Variants in SLC39A9 observed in about 807,000 individuals in gnomAD.
SLC39A9 encodes the protein solute carrier family 39 member 9, also known as zinc transporter ZIP9.
In SLC39A9, 14 loss-of-function variants were observed where a neutral mutation model predicts 28.4. The observed-to-expected ratio is 0.49, with a 90% confidence interval of 0.33 to 0.77. The LOEUF (loss-of-function observed/expected upper bound fraction) is 0.77. Ranked by LOEUF, SLC39A9 falls within the 30% of genes least tolerant of loss-of-function variation. The pLI, the probability that SLC39A9 is intolerant of heterozygous loss-of-function variation, is 0.02. For synonymous variants in SLC39A9, 119 were observed against 149.6 expected, an observed-to-expected ratio of 0.80 and a Z score of 1.49; for missense variants, 283 against 381.1, an observed-to-expected ratio of 0.74 and a Z score of 2.14.
chr14:69,404,290 T>G (rs1566905496), intron 1 of SLC39A9, among the ~76,000 whole-genome samples: 1 of 152,174 alleles, frequency 6.6e-6, no homozygotes, highest in Non-Finnish European at 1.5e-5. Flanking sequence ...AGGATGATTT[T>G]AAAGATGAAT....
At chr14:69,444,517 G>A (rs1885200981) in intron 3 of SLC39A9, among the ~76,000 whole-genome samples, 1 of 152,130 alleles carries the variant, frequency 6.6e-6, no homozygotes, top group Admixed American at 6.6e-5. Context: ...CACCCGATTG[G>A]CAAAGCTGTG....
At chr14:69,433,908 C>A (rs926367191) in intron 2 of SLC39A9, among the ~76,000 whole-genome samples, 1 of 152,022 alleles carries the variant, frequency 6.6e-6, no homozygotes, top group Non-Finnish European at 1.5e-5. Context: ...CCTCAGCCTC[C>A]CAAGTAGCTG....
Position 69,422,583 on chromosome 14 carries a change from C to T in SLC39A9, c.97-1511C>T, listed in dbSNP as rs116417532. The stretch of plus-strand genomic sequence containing the variant: ...CACCACCGGGCCTGGCTCTCCTTGC[C>T]GGTTTTTTTGTTTTGTTTTGAGATG... On this transcript the variant is annotated intron_variant, in intron 1 of 6. Transcript: ENST00000336643. Among the ~76,000 whole-genome samples, 627 of 151,942 alleles carry T rather than the reference C, an allele frequency of 4.1e-3. 6 individuals carry two copies. Among genetic ancestry groups the T allele is most frequent in the African/African-American group, 0.014 (597 of 41,484 alleles).
chr14:69,440,028 C>G (rs982563947), intron 2 of SLC39A9, among the ~76,000 whole-genome samples: 1 of 152,162 alleles, frequency 6.6e-6, no homozygotes, highest in African/African-American at 2.4e-5. Context: ...AGGAAACTTA[C>G]AATCGTGGCG....
intron 2 of SLC39A9, among the ~76,000 whole-genome samples, chr14:69,441,216 G>A (rs1293901359): frequency 6.6e-6 from 1 of 152,136 alleles, no homozygotes; most frequent in Non-Finnish European, 1.5e-5. Flanking sequence ...GGGAGGTCGA[G>A]GGTGCAGTGA....
chr14:69,433,086 T>G (rs960557646), intron 2 of SLC39A9, among the ~76,000 whole-genome samples: 2 of 152,210 alleles, frequency 1.3e-5, no homozygotes, highest in African/African-American at 4.8e-5. Context: ...GTTGGTAGTT[T>G]GATATAACAT....
Position 69,454,856 on chromosome 14 carries a change from A to G in SLC39A9, c.517A>G (p.Ser173Gly), listed in dbSNP as rs1885785816. ...LGAAASTSQT[S>G]VQLIVFVAIM... ...AGCAGCAGCATCTACTTCACAGACC[A>G]GTGTCCAGTTAATTGTGTTTGTGGC... The change falls in exon 5 of 7, where the codon AGT (serine) becomes GGT (glycine). Residue 173 changes from serine (S) to glycine (G), a missense_variant. Ser to Gly is a moderately conservative substitution (Grantham distance 56). Transcript: ENST00000336643. The G allele has an allele frequency of 4.3e-6, 7 of 1,614,100 alleles. No individual in the cohort carries two copies. Among genetic ancestry groups the G allele is most frequent in the Non-Finnish European group, 5.1e-6 (6 of 1,179,972 alleles).
intron 1 of SLC39A9, among the ~76,000 whole-genome samples, chr14:69,400,973 T>C (rs1594894366): frequency 6.7e-6 from 1 of 150,302 alleles, no homozygotes; most frequent in East Asian, 1.9e-4. Context: ...ATTGAGACTC[T>C]TTCTCTTAAA....
Position 69,424,106 on chromosome 14 carries a change from C to G in SLC39A9, c.109C>G (p.Leu37Val). 6.2e-7 allele frequency: 1 copy of G among 1,613,684 alleles called. No homozygotes were observed. The highest frequency in any genetic ancestry group is 1.1e-5 in the South Asian group (1 of 91,072). Residue 37 changes from leucine (L) to valine (V), a missense_variant, in exon 2 of 7, where the codon CTG becomes GTG. Coordinates refer to ENST00000336643, the MANE Select transcript of SLC39A9 (RefSeq NM_018375.5). ...AVNFSEERLK[L>V]VTVLGAGLLC... ...GCTTTCTCCCCAGGAACGACTGAAG[C>G]TGGTGACTGTTTTGGGTGCTGGCCT...
chr14:69,458,025 A>G (rs768261223), intron 6 of SLC39A9, among the ~76,000 whole-genome samples: 16 of 152,382 alleles, frequency 1.0e-4, no homozygotes, highest in Admixed American at 5.9e-4. Flanking sequence ...ACCACAAAAT[A>G]TGATAAATAT....
intron 1 of SLC39A9, among the ~76,000 whole-genome samples, chr14:69,399,783 A>T (rs985903962): frequency 6.6e-6 from 1 of 152,160 alleles, no homozygotes; most frequent in African/African-American, 2.4e-5. Flanking sequence ...TGATTCTCAG[A>T]GGTTTCATGG....
chr14:69,424,689 G>A (rs1207082273), intron 2 of SLC39A9, among the ~76,000 whole-genome samples: 8 of 152,128 alleles, frequency 5.3e-5, no homozygotes, highest in African/African-American at 1.9e-4. Context: ...AGCTGTGTGA[G>A]AGTAAATGCT....
Position 69,408,836 on chromosome 14 carries a change from C to T in SLC39A9, c.96+9371C>T, listed in dbSNP as rs759394993. 1.4e-4 allele frequency among the ~76,000 whole-genome samples: 21 copies of T among 152,244 alleles called. 1 individual carries two copies. The South Asian group carries it at 2.5e-3, about 18-fold the overall frequency. ...AAAAACATTTTGAATTATTACACAA[C>T]GTCAAAGTGCAGTTGTTTAGAATCA... On this transcript the variant is annotated intron_variant, in intron 1 of 6. Transcript: ENST00000336643.
At chr14:69,437,682 C>T (rs534048322) in intron 2 of SLC39A9, among the ~76,000 whole-genome samples, 6 of 151,562 alleles carry the variant, frequency 4.0e-5, no homozygotes, top group Non-Finnish European at 5.9e-5. Context: ...CTCCACCTCC[C>T]GGGTTCAAGC....
chr14:69,421,448 C>T (rs1883886646), intron 1 of SLC39A9, among the ~76,000 whole-genome samples: 1 of 152,216 alleles, frequency 6.6e-6, no homozygotes, highest in Non-Finnish European at 1.5e-5. Context: ...ACTTAGGCTA[C>T]ACAGGAGTCA....
intron 6 of SLC39A9, among the ~76,000 whole-genome samples, 172 bp from the exon 7 acceptor site, chr14:69,458,191 C>A (rs557003691): frequency 6.6e-6 from 1 of 152,088 alleles, no homozygotes; most frequent in Non-Finnish European, 1.5e-5. Context: ...TATTCTTAAA[C>A]CCTTATTTGG....
At chr14:69,429,042 A>G (rs1048534517) in intron 2 of SLC39A9, 8 of 152,210 alleles carry the variant, frequency 5.3e-5, no homozygotes, top group African/African-American at 1.9e-4. Flanking sequence ...CATCAGCTTT[A>G]TAGTCCTGAT....
At chr14:69,417,461 T>G (rs1336507841) in intron 1 of SLC39A9, among the ~76,000 whole-genome samples, 6 of 152,224 alleles carry the variant, frequency 3.9e-5, no homozygotes, top group Admixed American at 3.9e-4. Context: ...TGCGACCTGT[T>G]TTTTGGTTCT....
At chr14:69,446,540 A>G (rs1194092409) in intron 3 of SLC39A9, among the ~76,000 whole-genome samples, 1 of 151,986 alleles carries the variant, frequency 6.6e-6, no homozygotes, top group Non-Finnish European at 1.5e-5. Context: ...TTGAGCACCA[A>G]CATAATTAAG....
Sources: allele counts gnomAD v4.1 joint callset (sites outside exome capture counted in the v4.1 genomes callset), GRCh38; gene constraint gnomAD v4.1.1; transcripts MANE v1.5; gene names NCBI Gene and HGNC (gene_info 2026-07-23, HGNC 2026-07-21).